Variants in XRCC6 observed in about 807,000 individuals in gnomAD.
XRCC6 encodes DNA repair protein Ku70.
A neutral mutation model predicts 65.7 loss-of-function variants in XRCC6; 5 were observed. That is an observed-to-expected ratio of 0.08 (90% CI 0.04 to 0.16). XRCC6 has a LOEUF of 0.16. Ranked by LOEUF, XRCC6 falls within the 10% of genes least tolerant of loss-of-function variation. XRCC6 has a pLI of 1.00. For synonymous variants in XRCC6, 270 were observed against 270.6 expected, an observed-to-expected ratio of 1.00 and a Z score of 0.02; for missense variants, 447 against 738.1, an observed-to-expected ratio of 0.61 and a Z score of 4.57.
intron 6 of XRCC6, among the ~76,000 whole-genome samples, chr22:41,643,831 A>AT (rs2067903874): frequency 6.7e-6 from 1 of 149,354 alleles, no homozygotes; most frequent in South Asian, 2.1e-4. Flanking sequence ...AAAAAAAAAA[A>AT]AAAATTAGCT....
At chr22:41,635,973 C>A in intron 3 of XRCC6, 140 bp from the exon 4 acceptor site, 1 of 642,286 alleles carries the variant, frequency 1.6e-6, no homozygotes, top group Non-Finnish European at 2.5e-6. Flanking sequence ...TGATTCATTA[C>A]CCCTGAAGGT....
At chr22:41,652,566 A>C (rs991683975) in intron 8 of XRCC6, among the ~76,000 whole-genome samples, 5 of 151,986 alleles carry the variant, frequency 3.3e-5, no homozygotes, top group African/African-American at 1.2e-4. Flanking sequence ...GGGTTTTGCT[A>C]TGTTGGGCAG....
chr22:41,636,247 T>C lies in XRCC6; in HGVS notation c.330T>C (p.Asn110=). The part of the protein sequence containing the change: ...KNIYVLQELD[N]PGAKRILELD... ...TTTACGTCTTACAGGAGCTGGATAA[T>C]CCAGGTCAGTAATATTTTAAGATCA... Residue 110 remains asparagine (N), a synonymous_variant, in exon 4 of 13, where the codon AAT becomes AAC. Coordinates refer to ENST00000360079, the MANE Select transcript of XRCC6 (RefSeq NM_001469.5). 1 of 1,586,850 alleles carries C rather than the reference T, an allele frequency of 6.3e-7. No individual in the cohort carries two copies. Among genetic ancestry groups the C allele is most frequent in the Non-Finnish European group, 8.5e-7 (1 of 1,172,102 alleles).
chr22:41,646,867 T>G (rs2067937251), intron 6 of XRCC6, 29 bp from the exon 7 acceptor site: 2 of 1,562,792 alleles, frequency 1.3e-6, no homozygotes. Context: ...GTTTTTCAGT[T>G]CATGCTCTTT....
chr22:41,649,724 G>C (rs918035029), intron 7 of XRCC6, among the ~76,000 whole-genome samples: 3 of 151,936 alleles, frequency 2.0e-5, no homozygotes, highest in African/African-American at 7.2e-5. Context: ...GTGTGGTGGC[G>C]GGCACCTATA....
chr22:41,641,374 T>C (rs1159149680), intron 6 of XRCC6, among the ~76,000 whole-genome samples: 2 of 152,220 alleles, frequency 1.3e-5, no homozygotes, highest in Non-Finnish European at 2.9e-5. Context: ...ATCCATGAGA[T>C]ATTTTGGTAT....
At chr22:41,649,368 A>T (rs1295185606) in intron 7 of XRCC6, among the ~76,000 whole-genome samples, 2 of 148,716 alleles carry the variant, frequency 1.3e-5, no homozygotes, top group African/African-American at 4.9e-5. Context: ...TAGAGACAGG[A>T]TCTCACTATG....
intron 6 of XRCC6, among the ~76,000 whole-genome samples, chr22:41,641,953 C>T (rs1157361704): frequency 6.6e-6 from 1 of 152,104 alleles, no homozygotes; most frequent in Non-Finnish European, 1.5e-5. Context: ...CCACGCCCGA[C>T]TAATTTTGTA....
chr22:41,658,436 C>T (rs765648597), intron 11 of XRCC6, 84 bp downstream of exon 11: 4 of 1,280,032 alleles, frequency 3.1e-6, no homozygotes, highest in Non-Finnish European at 4.5e-6. Context: ...GGTGCATTTC[C>T]CAGTCCTCTC....
chr22:41,623,267 G>A (rs1216989228), intron 2 of XRCC6, among the ~76,000 whole-genome samples: 1 of 152,066 alleles, frequency 6.6e-6, no homozygotes, highest in African/African-American at 2.4e-5. Flanking sequence ...TGTAGAGACA[G>A]GATCTTGCTA....
chr22:41,643,096 G>A (rs1041631912), intron 6 of XRCC6, among the ~76,000 whole-genome samples: 1 of 152,204 alleles, frequency 6.6e-6, no homozygotes, highest in Non-Finnish European at 1.5e-5. Context: ...TTGGTTATTG[G>A]AGACTGTTCT....
At chr22:41,637,992 T>C (rs2067827984) in intron 6 of XRCC6, among the ~76,000 whole-genome samples, 1 of 148,044 alleles carries the variant, frequency 6.8e-6, no homozygotes, top group African/African-American at 2.5e-5. Flanking sequence ...TCAGAAGCAA[T>C]GCACTGCTAC....
chr22:41,651,023 C>A, intron 8 of XRCC6, 132 bp downstream of exon 8: 1 of 1,241,552 alleles, frequency 8.1e-7, no homozygotes, highest in Non-Finnish European at 1.1e-6. Flanking sequence ...GTTTCAAGCT[C>A]TGCCTGGTGC....
At chr22:41,626,797 C>T (rs1267495076) in intron 2 of XRCC6, among the ~76,000 whole-genome samples, 1 of 152,022 alleles carries the variant, frequency 6.6e-6, no homozygotes, top group Non-Finnish European at 1.5e-5. Context: ...ACCACCACGC[C>T]CAGCTAATTT....
intron 3 of XRCC6, among the ~76,000 whole-genome samples, chr22:41,634,751 G>C (rs1209596465): frequency 6.7e-6 from 1 of 150,312 alleles, no homozygotes; most frequent in Non-Finnish European, 1.5e-5. Context: ...CACCATGTTG[G>C]TCAGAATGGT....
chr22:41,624,039 T>C (rs1279297894), intron 2 of XRCC6, among the ~76,000 whole-genome samples: 1 of 152,100 alleles, frequency 6.6e-6, no homozygotes, highest in African/African-American at 2.4e-5. Context: ...TCATTTTAAA[T>C]ATACCATAAT....
chr22:41,647,368 G>C (rs1053431905), intron 7 of XRCC6, among the ~76,000 whole-genome samples: 2 of 151,978 alleles, frequency 1.3e-5, no homozygotes, highest in African/African-American at 2.4e-5. Context: ...GGATTACCGA[G>C]GTCAGGAGTT....
chr22:41,653,589 T>C lies in XRCC6; in HGVS notation c.1190T>C (p.Leu397Ser). ...TGTCTGGAGAAGGAGGTTGCAGCAT[T>C]GTGCAGATACACACCCCGCAGGAAC... is the stretch of plus-strand genomic sequence containing the variant. ...IKCLEKEVAA[L>S]CRYTPRRNIP... is the part of the protein sequence containing the mutation. The change falls in exon 9 of 13, where the codon TTG becomes TCG. Residue 397 changes from leucine to serine, a missense_variant. Leu to Ser is a moderately radical substitution (Grantham distance 145). Around this residue, in one of 4 missense-constraint regions of XRCC6, gnomAD observed 201 missense variants for 374.1 expected, o/e 0.54. Coordinates refer to ENST00000360079, the MANE Select transcript of XRCC6 (RefSeq NM_001469.5). The C allele has an allele frequency of 6.2e-7, 1 of 1,614,070 alleles. No individual in the cohort carries two copies.
intron 12 of XRCC6, among the ~76,000 whole-genome samples, chr22:41,663,046 A>G (rs898854244): frequency 2.0e-5 from 3 of 152,074 alleles, no homozygotes; most frequent in Non-Finnish European, 2.9e-5. Flanking sequence ...ACACCATTGC[A>G]CTCCAGCCTC....
Sources: gnomAD v4.1 joint callset for allele counts (sites outside exome capture counted in the v4.1 genomes callset) on GRCh38, gnomAD v4.1.1 for gene constraint, gnomAD v4.1.1 regional missense constraint, MANE v1.5 for transcripts, NCBI Gene and HGNC (gene_info 2026-07-23, HGNC 2026-07-21) for gene names.